TRAPPC9: variants seen among roughly 807,000 people sequenced by gnomAD.
TRAPPC9 encodes trafficking protein particle complex subunit 9, also known as IKK2 binding protein.
A neutral mutation model predicts 124.0 loss-of-function variants in TRAPPC9; 83 were observed. The ratio of observed to expected loss-of-function variants is 0.67; its 90% CI spans 0.56 to 0.80. TRAPPC9 has a LOEUF of 0.80. Ranked by LOEUF, TRAPPC9 falls within the 30% of genes least tolerant of loss-of-function variation. The pLI is 0.00. For synonymous variants in TRAPPC9, 638 were observed against 617.5 expected (o/e 1.03, Z -0.49); for missense variants, 1,302 against 1,508.3 (o/e 0.86, Z 2.27).
chr8:140,286,172 T>A (rs1410313113), intron 13 of TRAPPC9, among the ~76,000 whole-genome samples: 1 of 152,082 alleles, frequency 6.6e-6, no homozygotes, highest in African/African-American at 2.4e-5. Flanking sequence ...AAGCACTCGA[T>A]GGGACACAGG....
intron 21 of TRAPPC9, among the ~76,000 whole-genome samples, chr8:139,802,793 AGTGTAGGC>A (rs1310779797): frequency 6.6e-6 from 1 of 152,160 alleles, no homozygotes; most frequent in Non-Finnish European, 1.5e-5. Context: ...GAAGCTTTGC[AGTGTAGGC>A]ATTAGCGGGG....
rs140582925 is a variant in TRAPPC9 at position 140,180,196 on chromosome 8, T to C, written c.2556+41263A>G. Among the ~76,000 whole-genome samples the C allele has an allele frequency of 2.6e-4, 40 of 152,022 alleles. No individual in the cohort carries two copies. In the East Asian group the frequency reaches 6.8e-3, roughly 26 times the overall value. On this transcript the variant is annotated intron_variant, in intron 17 of 22. Transcript: ENST00000438773. ...GAATTTTTTAGGATTCTATTTTATA[T>C]AGATTTATCAGCTATAACACTTTGT...
rs752774559 is a variant in TRAPPC9 at position 140,023,979 on chromosome 8, G to A, written c.2657C>T (p.Pro886Leu). The part of the protein sequence containing the change: ...LSLGLHVEVE[P>L]SVFFTRVSTL... ...GCTGACTCGGGTGAAAAATACAGACGGCTCGACTTCTACATGCAGCCCCAG... is the reference window on the plus strand; with the variant it reads ...GCTGACTCGGGTGAAAAATACAGACAGCTCGACTTCTACATGCAGCCCCAG... The change falls in exon 18 of 23, where the codon CCG becomes CTG. Residue 886 changes from proline to leucine, a missense_variant. Coordinates refer to ENST00000438773, the MANE Select transcript of TRAPPC9 (RefSeq NM_001160372.4). 4 of 1,613,902 alleles carry A rather than the reference G, an allele frequency of 2.5e-6. No homozygotes were observed. Among genetic ancestry groups the A allele is most frequent in the Admixed American group, 1.7e-5 (1 of 59,980 alleles).
chr8:140,190,874 C>A (rs1177028265), intron 17 of TRAPPC9, among the ~76,000 whole-genome samples: 1 of 152,152 alleles, frequency 6.6e-6, no homozygotes, highest in African/African-American at 2.4e-5. Flanking sequence ...GTAAAGCAAA[C>A]CTTTGGAGGA....
intron 21 of TRAPPC9, among the ~76,000 whole-genome samples, chr8:139,752,101 C>T (rs1393605220): frequency 1.3e-5 from 2 of 151,666 alleles, no homozygotes; most frequent in South Asian, 2.1e-4. Context: ...TACATCCATC[C>T]ACTACCACCT....
chr8:140,255,680 G>A lies in TRAPPC9; in HGVS notation c.2279-2751C>T, dbSNP rs113456814. ...GCGGGCAGATCACCTGAGGCCAGGC[G>A]TTCGAGGCCAGCCTGGGCAACAGGG... On this transcript the variant is annotated intron_variant, in intron 15 of 22. Coordinates refer to ENST00000438773, the MANE Select transcript of TRAPPC9 (RefSeq NM_001160372.4). Among the ~76,000 whole-genome samples the A allele has an allele frequency of 5.3e-4, 81 of 152,352 alleles. 1 individual carries two copies. The highest frequency in any genetic ancestry group is 6.8e-3 in the Middle Eastern group (2 of 294).
intron 9 of TRAPPC9, among the ~76,000 whole-genome samples, chr8:140,355,130 A>C (rs1389992064): frequency 6.6e-6 from 1 of 152,210 alleles, no homozygotes; most frequent in Non-Finnish European, 1.5e-5. Context: ...CTGTCACCTA[A>C]AAACATACAG....
At chr8:140,332,462 G>T (rs1468071504) in intron 9 of TRAPPC9, among the ~76,000 whole-genome samples, 1 of 152,140 alleles carries the variant, frequency 6.6e-6, no homozygotes, top group East Asian at 1.9e-4. Flanking sequence ...GGCTAGAAGA[G>T]AGGATTCTAA....
intron 7 of TRAPPC9, among the ~76,000 whole-genome samples, chr8:140,388,459 G>A (rs1431685962): frequency 1.3e-4 from 19 of 151,938 alleles, no homozygotes; most frequent in African/African-American, 2.9e-4. Flanking sequence ...CAAGGCGGGC[G>A]GATCACCTGA....
intron 21 of TRAPPC9, among the ~76,000 whole-genome samples, chr8:139,771,727 G>C (rs1820977960): frequency 6.6e-6 from 1 of 152,234 alleles, no homozygotes; most frequent in Non-Finnish European, 1.5e-5. Flanking sequence ...GCGCGTCAGT[G>C]ATTGAAGCCT....
At chr8:139,789,756 G>A (rs1822524906) in intron 21 of TRAPPC9, among the ~76,000 whole-genome samples, 1 of 152,034 alleles carries the variant, frequency 6.6e-6, no homozygotes, top group Non-Finnish European at 1.5e-5. Flanking sequence ...GGAAGGCCAG[G>A]TAGGAGGGAG....
At chr8:140,275,994 A>G (rs2065105528) in intron 14 of TRAPPC9, among the ~76,000 whole-genome samples, 173 bp from the exon 15 acceptor site, 3 of 152,204 alleles carry the variant, frequency 2.0e-5, no homozygotes, top group Non-Finnish European at 4.4e-5. Flanking sequence ...ATGGAAAGTG[A>G]GCTGCCACAT....
chr8:140,215,103 C>A (rs1204226947), intron 17 of TRAPPC9, among the ~76,000 whole-genome samples: 1 of 152,174 alleles, frequency 6.6e-6, no homozygotes, highest in Admixed American at 6.5e-5. Flanking sequence ...AGAGGCTCAG[C>A]CGTCCCGCAG....
At chr8:140,371,864 G>A (rs2068292168) in intron 7 of TRAPPC9, among the ~76,000 whole-genome samples, 1 of 152,066 alleles carries the variant, frequency 6.6e-6, no homozygotes, top group Admixed American at 6.6e-5. Flanking sequence ...CCCCCATGCT[G>A]GCTAATTTTT....
At chr8:140,111,608 G>A (rs923412191) in intron 17 of TRAPPC9, among the ~76,000 whole-genome samples, 5 of 152,338 alleles carry the variant, frequency 3.3e-5, no homozygotes, top group African/African-American at 1.2e-4. Flanking sequence ...ATACAAACCT[G>A]AGTGCATATG....
chr8:139,981,658 T>G (rs1291864020), intron 19 of TRAPPC9, among the ~76,000 whole-genome samples: 1 of 152,232 alleles, frequency 6.6e-6, no homozygotes. Context: ...TGGGGGCTGC[T>G]CTGACCTGGG....
chr8:140,187,272 G>C (rs1266183038), intron 17 of TRAPPC9, among the ~76,000 whole-genome samples: 1 of 152,196 alleles, frequency 6.6e-6, no homozygotes, highest in African/African-American at 2.4e-5. Context: ...TAGAGTACTT[G>C]AGTATACGCG....
chr8:139,791,924 C>T (rs1314255605), intron 21 of TRAPPC9, among the ~76,000 whole-genome samples: 2 of 152,174 alleles, frequency 1.3e-5, no homozygotes, highest in African/African-American at 2.4e-5. Flanking sequence ...GAAGGAGCCC[C>T]TCGACAAGGA....
chr8:139,976,491 T>A (rs1043606180), intron 19 of TRAPPC9, among the ~76,000 whole-genome samples: 1 of 152,110 alleles, frequency 6.6e-6, no homozygotes, highest in Non-Finnish European at 1.5e-5. Flanking sequence ...CTGGGAGAAG[T>A]ATCTCTAAAC....
Sources: allele counts gnomAD v4.1 joint callset (sites outside exome capture counted in the v4.1 genomes callset), GRCh38; gene constraint gnomAD v4.1.1; transcripts MANE v1.5; gene names NCBI Gene and HGNC (gene_info 2026-07-23, HGNC 2026-07-21).